Variants in NPY1R observed in about 807,000 individuals in gnomAD.
NPY1R encodes neuropeptide Y receptor Y1.
In NPY1R, 10 loss-of-function variants were observed where a neutral mutation model predicts 24.1. The ratio of observed to expected loss-of-function variants is 0.42; its 90% confidence interval spans 0.26 to 0.71. The LOEUF (loss-of-function observed/expected upper bound fraction) is 0.71. Among genes scored for constraint, NPY1R ranks in the 30% least tolerant of loss-of-function variants. NPY1R has a pLI of 0.28. For missense variants in NPY1R, 350 were observed against 458.0 expected (o/e 0.76, Z 2.15); for synonymous variants, 168 against 165.9 (o/e 1.01, Z -0.10).
chr4:163,342,386 T>C (rs1469629458), intron 1 of NPY1R, among the ~76,000 whole-genome samples: 1 of 152,170 alleles, frequency 6.6e-6, no homozygotes, highest in Non-Finnish European at 1.5e-5. Flanking sequence ...TATGTGGCAA[T>C]GTGTACTGCA....
chr4:163,326,427 A>G lies in NPY1R; in HGVS notation c.128T>C (p.Leu43Ser), dbSNP rs147899436. Residue 43 changes from leucine to serine, a missense_variant, in exon 2 of 3, where the codon TTA becomes TCA. Leu to Ser is a moderately radical substitution (Grantham distance 145). Coordinates refer to ENST00000296533, the MANE Select transcript of NPY1R (RefSeq NM_000909.6). Reference protein sequence around the residue: ...CHLPLAMIFTLALAYGAVIIL... With the variant: ...CHLPLAMIFTSALAYGAVIIL... ...GATCACAGCTCCATAAGCAAGAGCTAAGGTAAATATCATGGCCAAGGGCAG... is the reference window on the plus strand; with the variant it reads ...GATCACAGCTCCATAAGCAAGAGCTGAGGTAAATATCATGGCCAAGGGCAG... 3.6e-5 allele frequency: 58 copies of G among 1,613,948 alleles called. No individual in the cohort carries two copies. The highest frequency in any genetic ancestry group is 5.0e-5 in the Admixed American group (3 of 60,000).
At chr4:163,330,690 C>T (rs144880589) in intron 1 of NPY1R, 29 of 152,352 alleles carry the variant, frequency 1.9e-4, no homozygotes, top group Admixed American at 7.2e-4. Flanking sequence ...ACAAAACAGA[C>T]ATTACATACA....
intron 1 of NPY1R, among the ~76,000 whole-genome samples, chr4:163,331,445 A>G (rs950298420): frequency 6.6e-6 from 1 of 152,136 alleles, no homozygotes; most frequent in Admixed American, 6.6e-5. Context: ...ATATTGCGTA[A>G]CTAGGTGAAT....
At chr4:163,333,703 A>AC (rs1311991681), upstream of NPY1R, among the ~76,000 whole-genome samples, 1 of 152,094 alleles carries the variant, frequency 6.6e-6, no homozygotes, top group Non-Finnish European at 1.5e-5. Context: ...CTGTTAAAAA[A>AC]CGTTTTCTTT....
intron 1 of NPY1R, among the ~76,000 whole-genome samples, chr4:163,342,227 A>AT (rs1735004028): frequency 6.6e-6 from 1 of 152,328 alleles, no homozygotes; most frequent in Non-Finnish European, 1.5e-5. Context: ...AAAAAATAAG[A>AT]TTTTTTAATA....
intron 1 of NPY1R, among the ~76,000 whole-genome samples, chr4:163,341,320 A>G (rs768994087): frequency 1.1e-4 from 17 of 152,162 alleles, no homozygotes; most frequent in South Asian, 6.2e-4. Context: ...GAATACAACG[A>G]AATTCTCAGA....
chr4:163,326,813 A>C, intron 1 of NPY1R, 108 bp from the exon 2 acceptor site: 2 of 325,050 alleles, frequency 6.2e-6, no homozygotes, highest in Non-Finnish European at 5.6e-6. Context: ...TAAATAAACA[A>C]AATGTAATCT....
intron 1 of NPY1R, among the ~76,000 whole-genome samples, chr4:163,329,169 T>G (rs1385890984): frequency 1.3e-5 from 2 of 152,204 alleles, no homozygotes; most frequent in Non-Finnish European, 2.9e-5. Context: ...ATTTATTTTG[T>G]GTTAGGCATG....
intron 1 of NPY1R, among the ~76,000 whole-genome samples, chr4:163,331,687 T>C (rs11100490): frequency 0.86 from 130,316 of 152,212 alleles, 56,382 homozygotes; most frequent in East Asian, 0.99. Flanking sequence ...TGGGAACCAA[T>C]GGCACACCCT....
chr4:163,334,861 GAAAAAAAAAA>G (rs545497813), upstream of NPY1R, among the ~76,000 whole-genome samples: 35 of 66,906 alleles, frequency 5.2e-4, no homozygotes, highest in Admixed American at 1.6e-4. Context: ...CTCTGTTTTG[GAAAAAAAAAA>G]AAAAAAAAAA....
rs1160569668 is a variant in NPY1R, at chr4:163,325,297, G to A, written c.*6C>T. On this transcript the variant is annotated 3_prime_UTR_variant, in exon 3 of 3. Coordinates refer to ENST00000296533, the MANE Select transcript of NPY1R (RefSeq NM_000909.6). ...TGTCATCCGGGACCATAGGCTATAA[G>A]TAGTTTCAGATTTTTTCATTATCAT... 14 of 1,594,438 alleles carry A rather than the reference G, an allele frequency of 8.8e-6. No homozygotes were observed. The African/African-American group carries it at 1.1e-4, about 12-fold the overall frequency.
intron 1 of NPY1R, among the ~76,000 whole-genome samples, chr4:163,343,559 G>A (rs1029577513): frequency 6.6e-6 from 1 of 151,640 alleles, no homozygotes; most frequent in African/African-American, 2.4e-5. Context: ...GGAATACTAA[G>A]AACTTAGGGG....
intron 1 of NPY1R, among the ~76,000 whole-genome samples, chr4:163,328,158 C>T (rs965688908): frequency 6.6e-6 from 1 of 151,284 alleles, no homozygotes; most frequent in African/African-American, 2.4e-5. Context: ...AGAGTTGCTA[C>T]AATGAAGTCA....
chr4:163,338,768 AC>A (rs1399727337), intron 1 of NPY1R, among the ~76,000 whole-genome samples: 2 of 151,904 alleles, frequency 1.3e-5, no homozygotes, highest in Admixed American at 6.6e-5. Flanking sequence ...CATGTACCCA[AC>A]CCTCAATCTT....
At chr4:163,331,911 G>T (rs561411519) in intron 1 of NPY1R, among the ~76,000 whole-genome samples, 1 of 152,194 alleles carries the variant, frequency 6.6e-6, no homozygotes, top group South Asian at 2.1e-4. Flanking sequence ...ACCCGCAAGT[G>T]GGGGTGGGCT....
chr4:163,333,460 A>G (rs371895053), upstream of NPY1R, among the ~76,000 whole-genome samples: 18 of 152,278 alleles, frequency 1.2e-4, no homozygotes, highest in East Asian at 3.1e-3. Context: ...AAAGTTGTAA[A>G]CACACACATA....
At chr4:163,327,110 A>C (rs1421795220) in intron 1 of NPY1R, among the ~76,000 whole-genome samples, 2 of 152,234 alleles carry the variant, frequency 1.3e-5, no homozygotes, top group Non-Finnish European at 2.9e-5. Context: ...TAATTCTGCC[A>C]TATGCTATAG....
At chr4:163,327,607 T>G (rs28601628) in intron 1 of NPY1R, among the ~76,000 whole-genome samples, 127,295 of 152,084 alleles carry the variant, frequency 0.84, 53,749 homozygotes, top group East Asian at 0.96. Flanking sequence ...TGTTATTTTA[T>G]TAATATGTTA....
chr4:163,334,252 A>C (rs1285307820), upstream of NPY1R, among the ~76,000 whole-genome samples: 2 of 152,224 alleles, frequency 1.3e-5, no homozygotes, highest in Non-Finnish European at 2.9e-5. Context: ...ATTCTCTACT[A>C]AGAATATATT....
Sources: allele counts gnomAD v4.1 joint callset (sites outside exome capture counted in the v4.1 genomes callset), GRCh38; gene constraint gnomAD v4.1.1; transcripts MANE v1.5; gene names NCBI Gene and HGNC (gene_info 2026-07-23, HGNC 2026-07-21).